The following ARID1A variants were observed in gnomAD, a reference collection of about 807,000 sequenced individuals.
ARID1A encodes the protein AT-rich interaction domain 1A.
Under a neutral mutation model 212.6 loss-of-function variants are expected in ARID1A, and 20 were observed. The ratio of observed to expected loss-of-function variants is 0.09; its 90% CI spans 0.07 to 0.14. The LOEUF is 0.14. Ranked by LOEUF, ARID1A falls within the 10% of genes least tolerant of loss-of-function variation. ARID1A has a pLI of 1.00. For missense variants in ARID1A, 2,587 were observed against 3,059.0 expected, an observed-to-expected ratio of 0.85 and a Z score of 3.64; for synonymous variants, 1,376 against 1,222.1, an observed-to-expected ratio of 1.13 and a Z score of -2.63.
At position 26,763,112 on chromosome 1, in the gene ARID1A, C is replaced by T. The variant is rs1364293851; in HGVS notation, c.2559C>T (p.Leu853=). Reference sequence around the variant, plus strand: ...CTGGCATCCCACCTTATGGCACACTCCCTCCAGGGAGGATGAGTCACGCCT... The same window carrying T: ...CTGGCATCCCACCTTATGGCACACTTCCTCCAGGGAGGATGAGTCACGCCT... The part of the protein sequence containing the change: ...GQPGIPPYGT[L]PPGRMSHASM... The change falls in exon 8 of 20, where the codon CTC becomes CTT. Residue 853 remains leucine, a synonymous_variant. Coordinates refer to ENST00000324856, the MANE Select transcript of ARID1A (RefSeq NM_006015.6). 1.9e-6 allele frequency: 3 copies of T among 1,614,296 alleles called. No homozygotes were observed. Among genetic ancestry groups the T allele is most frequent in the East Asian group, 2.2e-5 (1 of 44,888 alleles).
Position 26,773,623 on chromosome 1 carries a change from G to C in ARID1A, c.3910G>C (p.Ala1304Pro). The change falls in exon 16 of 20, where the codon GCC becomes CCC. Residue 1304 changes from alanine to proline, a missense_variant. Ala to Pro is a conservative substitution (Grantham distance 27). Coordinates refer to ENST00000324856, the MANE Select transcript of ARID1A (RefSeq NM_006015.6). ...GCCTGAGGGAAACATGAGCACTGGG[G>C]CCCCACAGCCGAATCTCATGCCTTC... ...IGPEGNMSTG[A>P]PQPNLMPSNP... The C allele has an allele frequency of 6.2e-7, 1 of 1,614,158 alleles. No individual in the cohort carries two copies. Among genetic ancestry groups the C allele is most frequent in the Non-Finnish European group, 8.5e-7 (1 of 1,180,016 alleles).
chr1:26,753,149 A>G (rs184916445), intron 4 of ARID1A: 71 of 152,364 alleles, frequency 4.7e-4, no homozygotes, highest in Non-Finnish European at 9.3e-4. Context: ...CTGCTTAAAA[A>G]TATTCTTCAG....
intron 1 of ARID1A, among the ~76,000 whole-genome samples, chr1:26,698,069 C>T (rs921953323): frequency 6.6e-5 from 10 of 152,330 alleles, no homozygotes; most frequent in African/African-American, 2.4e-4. Context: ...TAGAGGCCGG[C>T]TGCGGTTCAC....
intron 8 of ARID1A, 36 bp downstream of exon 8, chr1:26,763,321 GA>G (rs2124071014): frequency 1.3e-6 from 2 of 1,544,874 alleles, no homozygotes; most frequent in Non-Finnish European, 1.8e-6. Context: ...GTCAGTGCAA[GA>G]AAATGTATTA....
At chr1:26,702,375 A>G (rs1039459555) in intron 1 of ARID1A, among the ~76,000 whole-genome samples, 6 of 152,156 alleles carry the variant, frequency 3.9e-5, no homozygotes, top group Non-Finnish European at 7.3e-5. Context: ...AGTAGTTTAG[A>G]AGTGTAATTT....
chr1:26,775,207 A>G lies in ARID1A; in HGVS notation c.4980A>G (p.Thr1660=), dbSNP rs767938261. 2 of 1,589,378 alleles carry G rather than the reference A, an allele frequency of 1.3e-6. No homozygotes were observed. The highest frequency in any genetic ancestry group is 1.4e-5 in the African/African-American group (1 of 73,822). ...QPVLKQRRRL[T]MKDIGTPEAW... ...TGTTGAAGCAGAGGAGGCGGCTCAC[A>G]ATGAAAGACATTGGTAAGGAGATCT... is the stretch of plus-strand genomic sequence containing the variant. Residue 1660 remains threonine (T), a synonymous_variant, in exon 18 of 20, where the codon ACA becomes ACG. Transcript: ENST00000324856.
intron 2 of ARID1A, 33 bp downstream of exon 2, chr1:26,729,896 T>C (rs777853031): frequency 1.2e-6 from 2 of 1,601,516 alleles, no homozygotes; most frequent in Non-Finnish European, 8.5e-7. Flanking sequence ...TTGACCCTTG[T>C]TGCTGTCCAA....
intron 8 of ARID1A, chr1:26,764,119 G>GC (rs1162157635): frequency 6.6e-6 from 1 of 151,936 alleles, no homozygotes; most frequent in Non-Finnish European, 1.5e-5. Context: ...ACAGGCACCC[G>GC]CCACCATGCC....
intron 15 of ARID1A, 32 bp downstream of exon 15, chr1:26,773,528 C>G (rs2124111946): frequency 3.1e-6 from 5 of 1,613,658 alleles, no homozygotes; most frequent in South Asian, 1.1e-5. Context: ...GTCCACTCCC[C>G]CAGCACCCTG....
Position 26,731,201 on chromosome 1 carries a change from A to C in ARID1A, c.1400A>C (p.Gln467Pro), listed in dbSNP as rs756153129. 1 of 1,614,040 alleles carries C rather than the reference A, an allele frequency of 6.2e-7. No homozygotes were observed. Among genetic ancestry groups the C allele is most frequent in the Non-Finnish European group, 8.5e-7 (1 of 1,179,998 alleles). Residue 467 changes from glutamine to proline, a missense_variant, in exon 3 of 20, where the codon CAG (glutamine) becomes CCG (proline). By Grantham distance (76) the Gln-to-Pro change is moderately conservative. Transcript: ENST00000324856. ...CCCAGCGGGTATGGTCAACAGGGCC[A>C]GACTCCATATTACAACCAGCAAAGT... ...QGPSGYGQQG[Q>P]TPYYNQQSPH...
At chr1:26,770,974 C>T (rs1460196541) in intron 11 of ARID1A, 145 bp from the exon 12 acceptor site, 1 of 694,214 alleles carries the variant, frequency 1.4e-6, no homozygotes, top group Non-Finnish European at 2.4e-6. Flanking sequence ...TGTGGACTAT[C>T]CACCAAGCAA....
chr1:26,730,851 A>G (rs1467913494), intron 2 of ARID1A, among the ~76,000 whole-genome samples: 6 of 152,256 alleles, frequency 3.9e-5, no homozygotes, highest in South Asian at 2.1e-4. Flanking sequence ...CCGTGATAAA[A>G]AGAGTTAGGC....
At chr1:26,715,180 CTTTG>C (rs756091273) in intron 1 of ARID1A, among the ~76,000 whole-genome samples, 39 of 152,186 alleles carry the variant, frequency 2.6e-4, no homozygotes, top group Admixed American at 6.5e-4. Flanking sequence ...TCTTTATTTA[CTTTG>C]TTTATTTGTT....
intron 4 of ARID1A, among the ~76,000 whole-genome samples, chr1:26,753,982 A>G (rs1159953966): frequency 2.6e-5 from 4 of 151,796 alleles, no homozygotes; most frequent in African/African-American, 9.7e-5. Context: ...AATTTTTTGT[A>G]TTTTTTAGTA....
intron 1 of ARID1A, among the ~76,000 whole-genome samples, chr1:26,698,121 C>A (rs904690174): frequency 3.3e-5 from 5 of 152,236 alleles, no homozygotes; most frequent in Non-Finnish European, 7.3e-5. Context: ...GCTCCGCCGG[C>A]CCAGTGGCCT....
At chr1:26,740,533 T>C (rs2080778429) in intron 4 of ARID1A, among the ~76,000 whole-genome samples, 1 of 152,082 alleles carries the variant, frequency 6.6e-6, no homozygotes, top group Non-Finnish European at 1.5e-5. Flanking sequence ...TGAGGTGCAG[T>C]ATAGATACTT....
intron 1 of ARID1A, among the ~76,000 whole-genome samples, chr1:26,709,746 G>A (rs1428395975): frequency 6.7e-6 from 1 of 149,398 alleles, no homozygotes; most frequent in Non-Finnish European, 1.5e-5. Context: ...TCAAACTCCT[G>A]ACCTCAAGCA....
At chr1:26,726,174 G>GTTTTTTTTTT (rs1297710813) in intron 1 of ARID1A, among the ~76,000 whole-genome samples, 6 of 107,348 alleles carry the variant, frequency 5.6e-5, no homozygotes, top group Non-Finnish European at 1.0e-4. Context: ...GTTTTTTTTT[G>GTTTTTTTTTT]TTTTTTTTTT....
At chr1:26,736,508 A>G (rs2080731281) in intron 4 of ARID1A, among the ~76,000 whole-genome samples, 1 of 151,458 alleles carries the variant, frequency 6.6e-6, no homozygotes, top group Non-Finnish European at 1.5e-5. Flanking sequence ...GGGCACCTGT[A>G]GTCCCAGCTA....
Sources: allele counts gnomAD v4.1 joint callset (sites outside exome capture counted in the v4.1 genomes callset), GRCh38; gene constraint gnomAD v4.1.1; transcripts MANE v1.5; gene names NCBI Gene and HGNC (gene_info 2026-07-23, HGNC 2026-07-21).